Variants in ADAMTS3 observed in about 807,000 individuals in gnomAD.
ADAMTS3 encodes the protein ADAM metallopeptidase with thrombospondin type 1 motif 3, also known as A disintegrin and metalloproteinase with thrombospondin motifs 3.
Under a neutral mutation model 129.0 loss-of-function variants are expected in ADAMTS3, and 73 were observed. The observed-to-expected ratio is 0.57, with a 90% CI of 0.47 to 0.69. The LOEUF (loss-of-function observed/expected upper bound fraction) is 0.69, where lower values mean the gene tolerates loss of function less well. Among genes scored for constraint, ADAMTS3 ranks in the 30% least tolerant of loss-of-function variants. ADAMTS3 has a pLI of 0.00. For missense variants in ADAMTS3, 1,457 were observed against 1,514.5 expected (o/e 0.96, Z 0.63); for synonymous variants, 477 against 510.8 (o/e 0.93, Z 0.89).
chr4:72,350,907 G>A (rs527902036), intron 4 of ADAMTS3, among the ~76,000 whole-genome samples: 1 of 152,086 alleles, frequency 6.6e-6, no homozygotes, highest in South Asian at 2.1e-4. Flanking sequence ...GATCTTTAGA[G>A]TTGTATCTCT....
At chr4:72,372,022 A>G (rs573609163) in intron 4 of ADAMTS3, among the ~76,000 whole-genome samples, 1 of 152,268 alleles carries the variant, frequency 6.6e-6, no homozygotes, top group South Asian at 2.1e-4. Flanking sequence ...ATAGTCATAA[A>G]CCATATTGTC....
At chr4:72,433,197 A>G (rs1578675558) in intron 3 of ADAMTS3, among the ~76,000 whole-genome samples, 1 of 152,142 alleles carries the variant, frequency 6.6e-6, no homozygotes, top group Middle Eastern at 3.4e-3. Flanking sequence ...CCTGCAAGTA[A>G]CATTAAGATG....
chr4:72,315,855 C>A lies in ADAMTS3; in HGVS notation c.1599+3G>T, dbSNP rs1160188941. The A allele has an allele frequency of 3.8e-6, 6 of 1,566,782 alleles. No individual in the cohort carries two copies. Among genetic ancestry groups the A allele is most frequent in the Non-Finnish European group, 5.3e-6 (6 of 1,141,190 alleles). On this transcript the variant is annotated splice_donor_region_variant and intron_variant, in intron 11 of 21. Coordinates refer to ENST00000286657, the MANE Select transcript of ADAMTS3 (RefSeq NM_014243.3). Reference sequence around the variant, plus strand: ...TATTTATTGTGTAAATAGATATACTCACTTTTCCAGCAGCACATTCAGTCC... The same window carrying A: ...TATTTATTGTGTAAATAGATATACTAACTTTTCCAGCAGCACATTCAGTCC...
At chr4:72,486,147 C>T (rs944118217) in intron 3 of ADAMTS3, among the ~76,000 whole-genome samples, 2 of 152,108 alleles carry the variant, frequency 1.3e-5, no homozygotes, top group Non-Finnish European at 2.9e-5. Flanking sequence ...CTTAGTTAAA[C>T]CAGACTGAAA....
intron 4 of ADAMTS3, among the ~76,000 whole-genome samples, chr4:72,351,858 T>A (rs1025374994): frequency 6.6e-6 from 1 of 151,996 alleles, no homozygotes; most frequent in African/African-American, 2.4e-5. Context: ...AAAAATCATA[T>A]TTAGATGATA....
Position 72,378,486 on chromosome 4 carries a change from G to A in ADAMTS3, c.661+36329C>T, listed in dbSNP as rs770688469. Among the ~76,000 whole-genome samples, 59 of 152,040 alleles carry A rather than the reference G, an allele frequency of 3.9e-4. 1 individual carries two copies. Among genetic ancestry groups the A allele is most frequent in the Non-Finnish European group, 7.4e-4 (50 of 67,998 alleles). On this transcript the variant is annotated intron_variant, in intron 4 of 21. Transcript: ENST00000286657. ...ATGATTGTTATTAGCAGAAACTTCCGTTTCTGAGTACAGCCACATGAAACC... is the reference window on the plus strand; with the variant it reads ...ATGATTGTTATTAGCAGAAACTTCCATTTCTGAGTACAGCCACATGAAACC...
intron 3 of ADAMTS3, among the ~76,000 whole-genome samples, chr4:72,539,762 T>C (rs1721275557): frequency 6.6e-6 from 1 of 152,114 alleles, no homozygotes; most frequent in Non-Finnish European, 1.5e-5. Context: ...GATCTGATGG[T>C]TTTAAACAAT....
intron 3 of ADAMTS3, among the ~76,000 whole-genome samples, chr4:72,479,593 AG>A (rs1719364462): frequency 6.6e-6 from 1 of 152,176 alleles, no homozygotes; most frequent in African/African-American, 2.4e-5. Flanking sequence ...TAAAAACCCT[AG>A]AAGAAAACCT....
intron 4 of ADAMTS3, among the ~76,000 whole-genome samples, chr4:72,399,080 T>G (rs1305443381): frequency 6.6e-6 from 1 of 152,208 alleles, no homozygotes; most frequent in Non-Finnish European, 1.5e-5. Context: ...TTTGTTCAGT[T>G]TTAAAAGTAC....
intron 6 of ADAMTS3, among the ~76,000 whole-genome samples, chr4:72,321,948 T>A (rs1719566719): frequency 6.6e-6 from 1 of 152,184 alleles, no homozygotes; most frequent in South Asian, 2.1e-4. Context: ...CTAGCCACAC[T>A]TCTCAGAGTA....
chr4:72,288,842 C>A lies in ADAMTS3; in HGVS notation c.2958G>T (p.Thr986=). Residue 986 remains threonine (T), a synonymous_variant, in exon 21 of 22, where the codon ACG becomes ACT. Coordinates refer to ENST00000286657, the MANE Select transcript of ADAMTS3 (RefSeq NM_014243.3). ...CCCTGCAGAGGACCTGCCTCACCTC[C>A]GTTCCTTCACCGCAGGTCACTGAAC... ...SECSVTCGEG[T]EVRQVLCRAG... The A allele has an allele frequency of 6.2e-7, 1 of 1,611,876 alleles. No individual in the cohort carries two copies. Among genetic ancestry groups the A allele is most frequent in the Non-Finnish European group, 8.5e-7 (1 of 1,178,898 alleles).
At chr4:72,524,426 A>T (rs80059222) in intron 3 of ADAMTS3, among the ~76,000 whole-genome samples, 401 of 150,394 alleles carry the variant, frequency 2.7e-3, no homozygotes, top group African/African-American at 9.5e-3. Flanking sequence ...ATATATAACA[A>T]ACTGAGTACA....
chr4:72,368,447 C>T (rs1460284721), intron 4 of ADAMTS3, among the ~76,000 whole-genome samples: 4 of 152,118 alleles, frequency 2.6e-5, no homozygotes, highest in Admixed American at 6.5e-5. Flanking sequence ...ATTAGTAGTT[C>T]CAAGACCAAT....
intron 3 of ADAMTS3, among the ~76,000 whole-genome samples, chr4:72,424,102 A>G (rs1439374201): frequency 6.6e-6 from 1 of 152,140 alleles, no homozygotes; most frequent in Admixed American, 6.6e-5. Context: ...GTACCCAAAT[A>G]TAAACCTGAT....
intron 3 of ADAMTS3, among the ~76,000 whole-genome samples, chr4:72,470,285 A>T (rs1474923410): frequency 6.6e-6 from 1 of 151,250 alleles, no homozygotes; most frequent in African/African-American, 2.4e-5. Flanking sequence ...TATCTCAGGC[A>T]GATATTCTAA....
intron 3 of ADAMTS3, among the ~76,000 whole-genome samples, chr4:72,465,759 A>G (rs748447169): frequency 1.3e-5 from 2 of 152,008 alleles, no homozygotes; most frequent in Non-Finnish European, 2.9e-5. Context: ...AATAATCCCC[A>G]TGTGTCAAGG....
chr4:72,438,338 C>A (rs770128082), intron 3 of ADAMTS3, among the ~76,000 whole-genome samples: 13 of 151,774 alleles, frequency 8.6e-5, no homozygotes, highest in Admixed American at 2.0e-4. Flanking sequence ...ATGTAGGCTA[C>A]ATTTCCAGTT....
In ADAMTS3 at chr4:72,313,762, A is replaced by G; in HGVS notation, c.1660T>C (p.Trp554Arg). 6.2e-7 allele frequency: 1 copy of G among 1,613,834 alleles called. No individual in the cohort carries two copies. Among genetic ancestry groups the G allele is most frequent in the Non-Finnish European group, 8.5e-7 (1 of 1,179,868 alleles). ...NANQQKQDGN[W>R]GSWTKFGSCS... The stretch of plus-strand genomic sequence containing the variant: ...GAGCCAAATTTAGTCCATGACCCCC[A>G]ATTGCCATCTTGTTTTTGCTGATTA... The change falls in exon 12 of 22, where the codon TGG (tryptophan) becomes CGG (arginine). Residue 554 changes from tryptophan (W) to arginine (R), a missense_variant. Physicochemically the swap from Trp to Arg is moderately radical, Grantham distance 101 (BLOSUM62 -3). Coordinates refer to ENST00000286657, the MANE Select transcript of ADAMTS3 (RefSeq NM_014243.3).
chr4:72,302,121 C>A (rs944861088), intron 17 of ADAMTS3, among the ~76,000 whole-genome samples: 20 of 151,990 alleles, frequency 1.3e-4, no homozygotes, highest in African/African-American at 4.6e-4. Flanking sequence ...AATAACTTAA[C>A]CGCCTGCCAG....
Sources: allele counts gnomAD v4.1 joint callset (sites outside exome capture counted in the v4.1 genomes callset), GRCh38; gene constraint gnomAD v4.1.1; transcripts MANE v1.5; gene names NCBI Gene and HGNC (gene_info 2026-07-23, HGNC 2026-07-21).